CASK: variants seen among roughly 807,000 people sequenced by gnomAD.
CASK encodes the protein calcium/calmodulin dependent serine protein kinase, also known as peripheral plasma membrane protein CASK.
CASK carries 4 observed loss-of-function variants against 82.9 expected under a neutral mutation model. The observed-to-expected ratio is 0.05, with a 90% CI of 0.02 to 0.11. The LOEUF is 0.11. Among genes scored for constraint, CASK ranks in the 10% least tolerant of loss-of-function variants. The pLI, the probability that CASK is intolerant of heterozygous loss-of-function variation, is 1.00. For missense variants in CASK, 358 were observed against 720.9 expected, an observed-to-expected ratio of 0.50 and a Z score of 5.76; for synonymous variants, 259 against 253.5, an observed-to-expected ratio of 1.02 and a Z score of -0.20.
chrX:41,641,073 CAT>C (rs2066644448), intron 8 of CASK, among the ~76,000 whole-genome samples: 3 of 103,524 alleles, frequency 2.9e-5, no homozygotes, highest in Non-Finnish European at 5.9e-5. Context: ...GCAACCTCCA[CAT>C]TCTCAGTTCA....
At chrX:41,553,684 T>C (rs1196933305) in intron 21 of CASK, 35 bp downstream of exon 21, 1 of 1,074,704 alleles carries the variant, frequency 9.3e-7, no homozygotes, top group South Asian at 1.9e-5. Flanking sequence ...TTTGTTTTTA[T>C]AACCAAGCAA....
intron 5 of CASK, among the ~76,000 whole-genome samples, chrX:41,685,768 G>T (rs913761864): frequency 8.9e-6 from 1 of 111,839 alleles, no homozygotes; most frequent in African/African-American, 3.3e-5. Context: ...CAAGCATGAA[G>T]AACTGCGCCC....
At chrX:41,583,143 A>C (rs1224912379) in intron 14 of CASK, among the ~76,000 whole-genome samples, 1 of 112,086 alleles carries the variant, frequency 8.9e-6, no homozygotes, top group Non-Finnish European at 1.9e-5. Context: ...ATAAATTATA[A>C]AAATTACTTA....
intron 3 of CASK, among the ~76,000 whole-genome samples, chrX:41,762,674 G>A (rs2069023870): frequency 9.0e-6 from 1 of 111,096 alleles, no homozygotes; most frequent in Non-Finnish European, 1.9e-5. Flanking sequence ...TTCTCAACTG[G>A]CCTCTATGAC....
chrX:41,676,173 TG>T, intron 5 of CASK: 1 of 1,150,895 alleles, frequency 8.7e-7, no homozygotes. Context: ...TGTGAAGCAC[TG>T]GGGATCAAGA....
At position 41,524,032 on chromosome X, in the gene CASK, T is replaced by C; in HGVS notation, c.2523A>G (p.Ala841=). The change falls in exon 26 of 27, where the codon GCA becomes GCG. Residue 841 remains alanine (A), a splice_region_variant and synonymous_variant. Transcript: ENST00000378163. The part of the protein sequence containing the change: ...LIAILDVEPQ[A]LKVLRTAEFA... ...ACTCTGCAGTTCTCAGGACCTTCAG[T>C]GCCTGTGTTAAGAAAAAAAAAAAAA... The C allele has an allele frequency of 3.5e-6, 4 of 1,150,925 alleles. No individual in the cohort carries two copies. Among genetic ancestry groups the C allele is most frequent in the Non-Finnish European group, 4.7e-6 (4 of 850,276 alleles). 94.8% of individuals were successfully genotyped at this position (1,150,925 alleles called of 1,213,427 possible).
In CASK at chrX:41,637,378, C is replaced by CTT. The variant is rs758261036; in HGVS notation, c.832-719_832-718dup. Among the ~76,000 whole-genome samples the CTT allele has an allele frequency of 2.8e-3, 102 of 36,892 alleles. 8 individuals carry two copies. The highest frequency in any genetic ancestry group is 3.5e-3 in the Non-Finnish European group (80 of 22,902). 32.0% of individuals were successfully genotyped at this position (36,892 alleles called of 115,157 possible). A position where few individuals can be genotyped will look rare whatever the true frequency, so the allele number is the denominator to read the frequency against. ...TACAGACTCTTCTAATTAGGACACGCTTTTTTTTTTTTTTTTTTTTTTTTT... is the reference window on the plus strand; with the variant it reads ...TACAGACTCTTCTAATTAGGACACGCTTTTTTTTTTTTTTTTTTTTTTTTTTT... On this transcript the variant is annotated intron_variant, in intron 8 of 26. Transcript: ENST00000378163.
intron 1 of CASK, among the ~76,000 whole-genome samples, chrX:41,862,214 G>A (rs2071503402): frequency 1.8e-5 from 2 of 110,050 alleles, no homozygotes; most frequent in African/African-American, 6.6e-5. Flanking sequence ...CCTGTGCAAT[G>A]GCCTACAGCC....
At chrX:41,743,467 C>T (rs1474051702) in intron 4 of CASK, 2 of 278,552 alleles carry the variant, frequency 7.2e-6, no homozygotes, top group African/African-American at 2.8e-5. Context: ...TTAGTTCTAC[C>T]GCGTATAGAT....
At chrX:41,770,420 A>T (rs1367979109) in intron 3 of CASK, among the ~76,000 whole-genome samples, 1 of 109,188 alleles carries the variant, frequency 9.2e-6, no homozygotes, top group Non-Finnish European at 1.9e-5. Context: ...CTATCTATCT[A>T]TTTTTTGAGA....
At chrX:41,607,649 G>A (rs778288744) in intron 12 of CASK, among the ~76,000 whole-genome samples, 38 of 112,135 alleles carry the variant, frequency 3.4e-4, no homozygotes, top group African/African-American at 1.2e-3. Flanking sequence ...TCTAAACTAC[G>A]TTCCTCAGCT....
intron 3 of CASK, among the ~76,000 whole-genome samples, chrX:41,785,384 C>T (rs1230182467): frequency 8.9e-6 from 1 of 111,963 alleles, no homozygotes; most frequent in Admixed American, 9.5e-5. Flanking sequence ...GGCTCCTTTC[C>T]ATTCTGGTTA....
At chrX:41,854,220 GCGCGCA>G (rs1370776829) in intron 1 of CASK, among the ~76,000 whole-genome samples, 2 of 55,776 alleles carry the variant, frequency 3.6e-5, no homozygotes, top group Admixed American at 2.2e-4. Context: ...GCGCGCGGGC[GCGCGCA>G]CACACACACA....
At chrX:41,730,801 C>A (rs1314474172) in intron 5 of CASK, among the ~76,000 whole-genome samples, 1 of 111,468 alleles carries the variant, frequency 9.0e-6, no homozygotes, top group African/African-American at 3.3e-5. Flanking sequence ...CCCCCGGGGT[C>A]AAGTGATTCT....
At chrX:41,562,610 AACAG>A (rs1250533420) in intron 16 of CASK, 3 of 112,184 alleles carry the variant, frequency 2.7e-5, no homozygotes, top group African/African-American at 9.7e-5. Flanking sequence ...TGTGAAAAGT[AACAG>A]ACAATTATAA....
intron 5 of CASK, chrX:41,728,143 C>A (rs2068302211): frequency 2.6e-6 from 1 of 381,044 alleles, no homozygotes; most frequent in Non-Finnish European, 4.5e-6. Flanking sequence ...ACAATAATCA[C>A]CAAGAAAATC....
At chrX:41,624,168 A>G (rs2066329661) in intron 10 of CASK, 3 of 328,538 alleles carry the variant, frequency 9.1e-6, no homozygotes, top group Non-Finnish European at 1.8e-5. Flanking sequence ...AATAGGGTCC[A>G]CTGTAATCTG....
intron 2 of CASK, among the ~76,000 whole-genome samples, chrX:41,812,886 A>G (rs1478637029): frequency 8.9e-6 from 1 of 112,355 alleles, no homozygotes; most frequent in Non-Finnish European, 1.9e-5. Context: ...AAGCAACTTC[A>G]GCAAAGTCTC....
chrX:41,815,056 TG>T (rs1182002449), intron 2 of CASK, among the ~76,000 whole-genome samples: 2 of 110,750 alleles, frequency 1.8e-5, no homozygotes, highest in African/African-American at 3.3e-5. Flanking sequence ...GATTATGGTT[TG>T]GGGAGGATGA....
Sources: gnomAD v4.1 joint callset for allele counts (sites outside exome capture counted in the v4.1 genomes callset) on GRCh38, gnomAD v4.1.1 for gene constraint, MANE v1.5 for transcripts, NCBI Gene and HGNC (gene_info 2026-07-23, HGNC 2026-07-21) for gene names.